The following MYO15A variants were observed in gnomAD, a reference collection of about 807,000 sequenced individuals.
The protein encoded by MYO15A is unconventional myosin-XV.
In MYO15A, 308 loss-of-function variants were observed where a neutral mutation model predicts 394.6. That is an observed-to-expected ratio of 0.78 (90% confidence interval 0.71 to 0.86). The LOEUF is 0.86. Among genes scored for constraint, MYO15A ranks in the 40% least tolerant of loss-of-function variants. The pLI is 0.00. For synonymous variants in MYO15A, 1,957 were observed against 2,003.8 expected (o/e 0.98, Z 0.62); for missense variants, 4,606 against 4,799.1 (o/e 0.96, Z 1.19).
chr17:18,127,223 C>T lies in MYO15A; in HGVS notation c.4032+58C>T, dbSNP rs1228643482. On this transcript the variant is annotated intron_variant, in intron 7 of 65. Transcript: ENST00000647165. Reference sequence around the variant, plus strand: ...TGAACACCCTTTGATAAGCACACCTCATGTACTCCCGAAGAGGCAAGGCTC... The same window carrying T: ...TGAACACCCTTTGATAAGCACACCTTATGTACTCCCGAAGAGGCAAGGCTC... 4.7e-5 allele frequency: 74 copies of T among 1,581,118 alleles called. 1 individual carries two copies. In the East Asian group the frequency reaches 1.6e-3, roughly 35 times the overall value.
chr17:18,148,636 C>G lies in MYO15A; in HGVS notation c.6764+68C>G, dbSNP rs757261691. On this transcript the variant is annotated intron_variant, in intron 32 of 65. Coordinates refer to ENST00000647165, the MANE Select transcript of MYO15A (RefSeq NM_016239.4). This position sits in a 1 kb window ranked among gnomAD's most constrained non-coding sequence, Gnocchi z 4.8. Reference sequence around the variant, plus strand: ...GGAATGTTGTGGGGGGAGGTCAGATCCCCCAGAGGGTCCCATAGGGTCCAT... The same window carrying G: ...GGAATGTTGTGGGGGGAGGTCAGATGCCCCAGAGGGTCCCATAGGGTCCAT... The G allele has an allele frequency of 5.2e-6, 8 of 1,546,628 alleles. No homozygotes were observed. Among genetic ancestry groups the G allele is most frequent in the Non-Finnish European group, 7.0e-6 (8 of 1,143,414 alleles).
intron 58 of MYO15A, 39 bp downstream of exon 58, chr17:18,162,718 G>A: frequency 6.2e-7 from 1 of 1,603,048 alleles, no homozygotes; most frequent in South Asian, 1.1e-5. Context: ...ATGAATGGGA[G>A]GCTGGGCGCA....
chr17:18,169,082 C>T (rs968790260), intron 62 of MYO15A, among the ~76,000 whole-genome samples: 8 of 149,242 alleles, frequency 5.4e-5, no homozygotes, highest in African/African-American at 2.0e-4. Flanking sequence ...CACTGTTCTC[C>T]AGCCTGGGTG....
At chr17:18,174,484 G>C (rs1597827374) in intron 65 of MYO15A, among the ~76,000 whole-genome samples, 1 of 152,280 alleles carries the variant, frequency 6.6e-6, no homozygotes, top group South Asian at 2.1e-4. Flanking sequence ...AGTGCCTGTA[G>C]TCCTAGCTAT....
rs746831209 is a variant in MYO15A, at chr17:18,146,085, T to G, written c.6487T>G (p.Cys2163Gly). 1 of 1,613,850 alleles carries G rather than the reference T, an allele frequency of 6.2e-7. No individual in the cohort carries two copies. The highest frequency in any genetic ancestry group is 1.7e-5 in the Admixed American group (1 of 60,000). Residue 2163 changes from cysteine to glycine, a missense_variant, in exon 30 of 66, where the codon TGC becomes GGC. Coordinates refer to ENST00000647165, the MANE Select transcript of MYO15A (RefSeq NM_016239.4). ...ACLSGFAPSP[C>G]FNKYLLKFVS... is the part of the protein sequence containing the mutation. ...CCTCAGTGGCTTTGCACCTTCCCCG[T>G]GCTTCAACAAGTACCTTCTCAAGTG...
intron 58 of MYO15A, 24 bp downstream of exon 58, chr17:18,162,703 T>C (rs771685050): frequency 2.5e-6 from 4 of 1,610,998 alleles, no homozygotes; most frequent in Non-Finnish European, 3.4e-6. Context: ...GGGAGTGGGT[T>C]CAAAATGAAT....
intron 30 of MYO15A, 102 bp downstream of exon 30, chr17:18,146,209 G>T: frequency 1.6e-6 from 2 of 1,250,236 alleles, no homozygotes; most frequent in East Asian, 2.5e-5. Flanking sequence ...AGATCTCTAT[G>T]CTGGGAAGCT....
chr17:18,159,565 G>T (rs2046743706), intron 54 of MYO15A, 41 bp from the exon 55 acceptor site: 1 of 1,608,918 alleles, frequency 6.2e-7, no homozygotes, highest in Non-Finnish European at 8.5e-7. Flanking sequence ...GTGGGCAACT[G>T]GGGGTTTGGT....
Position 18,171,747 on chromosome 17 carries a change from C to G in MYO15A, c.10192C>G (p.His3398Asp), listed in dbSNP as rs375199386. 20 of 1,611,372 alleles carry G rather than the reference C, an allele frequency of 1.2e-5. No individual in the cohort carries two copies. Among genetic ancestry groups the G allele is most frequent in the Non-Finnish European group, 1.7e-5 (20 of 1,179,940 alleles). ...HRQQTQALSP[H>D]QARAQFLGLL... Reference sequence around the variant, plus strand: ...GCAGCAGACACAGGCGCTCAGCCCCCACCAGGCCCGTGCCCAGTTTCTGGG... The same window carrying G: ...GCAGCAGACACAGGCGCTCAGCCCCGACCAGGCCCGTGCCCAGTTTCTGGG... Residue 3398 changes from histidine to aspartate, a missense_variant, in exon 63 of 66, where the codon CAC (histidine) becomes GAC (aspartate). Physicochemically the swap from His to Asp is moderately conservative, Grantham distance 81. This residue lies in a region of MYO15A where 2,776 missense variants were observed against 3,109.3 expected (regional missense o/e 0.89). Transcript: ENST00000647165.
intron 7 of MYO15A, among the ~76,000 whole-genome samples, chr17:18,127,832 A>AGATATAT (rs1555541550): frequency 8.4e-4 from 34 of 40,572 alleles, no homozygotes; most frequent in African/African-American, 2.2e-3. Flanking sequence ...AAGAAAAAAA[A>AGATATAT]AGATATATAT....
Position 18,122,364 on chromosome 17 carries a change from T to C in MYO15A, c.3564T>C (p.Leu1188=), listed in dbSNP as rs774353733. 4 of 1,612,632 alleles carry C rather than the reference T, an allele frequency of 2.5e-6. No homozygotes were observed. The highest frequency in any genetic ancestry group is 3.4e-6 in the Non-Finnish European group (4 of 1,179,882). ...GCCCTGGAGCTGCCTGCCTGTCCCT[T>C]AGGGGCTCCTGGGAGGAGGTCGGCC... is the stretch of plus-strand genomic sequence containing the variant. ...HLGPGAACLS[L]RGSWEEVGPP... Residue 1188 remains leucine, a synonymous_variant, in exon 2 of 66, where the codon CTT becomes CTC. Transcript: ENST00000647165.
chr17:18,110,567 C>T (rs2045708468), intron 1 of MYO15A: 1 of 152,202 alleles, frequency 6.6e-6, no homozygotes. Flanking sequence ...GGACACAGGC[C>T]CCATGGCTTC....
chr17:18,158,429 G>A, intron 51 of MYO15A, 94 bp from the exon 52 acceptor site: 1 of 1,121,098 alleles, frequency 8.9e-7, no homozygotes, highest in Non-Finnish European at 1.3e-6. Context: ...GAGAATCTGG[G>A]TCCAGTCAGC....
In MYO15A at chr17:18,153,911, C is replaced by T. The variant is rs1298352547; in HGVS notation, c.8088+15C>T. The T allele has an allele frequency of 1.2e-6, 2 of 1,613,388 alleles. No homozygotes were observed. The highest frequency in any genetic ancestry group is 1.7e-6 in the Non-Finnish European group (2 of 1,179,966). On this transcript the variant is annotated intron_variant, in intron 43 of 65. Coordinates refer to ENST00000647165, the MANE Select transcript of MYO15A (RefSeq NM_016239.4). This position sits in a 1 kb window ranked among gnomAD's most constrained non-coding sequence, Gnocchi z 4.1. ...TGCGCAAAGAGGTGCCGAGCACAGC[C>T]GTAGCCAGGGGAGGGGCTGAAGCGG...
intron 16 of MYO15A, 81 bp downstream of exon 16, chr17:18,137,760 T>C (rs1281478505): frequency 6.9e-7 from 1 of 1,453,860 alleles, no homozygotes; most frequent in Non-Finnish European, 9.5e-7. Flanking sequence ...GATATACTGG[T>C]TGTTTAAGGG....
At chr17:18,118,168 C>G (rs1184269364) in intron 1 of MYO15A, among the ~76,000 whole-genome samples, 1 of 152,184 alleles carries the variant, frequency 6.6e-6, no homozygotes, top group East Asian at 1.9e-4. Context: ...TATTCAGCTC[C>G]TGAGAGCCAG....
chr17:18,179,233 C>T lies in MYO15A; in HGVS notation c.*363C>T. ...CACACCAGTTGCCCAGATGAACTGGCCTCTGCCTTTGGTTTACTCAGGGTC... is the reference window on the plus strand; with the variant it reads ...CACACCAGTTGCCCAGATGAACTGGTCTCTGCCTTTGGTTTACTCAGGGTC... On this transcript the variant is annotated 3_prime_UTR_variant, in exon 66 of 66. Transcript: ENST00000647165. 1 of 387,974 alleles carries T rather than the reference C, an allele frequency of 2.6e-6. No individual in the cohort carries two copies. The highest frequency in any genetic ancestry group is 3.8e-5 in the Admixed American group (1 of 26,590). 24.0% of individuals were successfully genotyped at this position (387,974 alleles called of 1,614,324 possible).
Position 18,153,636 on chromosome 17 carries a change from T to G in MYO15A, c.7967-139T>G, listed in dbSNP as rs930264459. The G allele has an allele frequency of 8.1e-6, 7 of 862,200 alleles. No individual in the cohort carries two copies. The highest frequency in any genetic ancestry group is 1.1e-5 in the Non-Finnish European group (7 of 657,560). The allele number at this position is 862,200 out of a possible 1,614,324, so 53.4% of individuals were successfully genotyped here. ...TCGCTTGAACCCAGGAGGCGGAGCT[T>G]GCAGTGGGCCGAGATTGCGCCACTG... On this transcript the variant is annotated intron_variant, in intron 42 of 65. Transcript: ENST00000647165. This position sits in a 1 kb window ranked among gnomAD's most constrained non-coding sequence, Gnocchi z 4.1.
chr17:18,120,500 G>C lies in MYO15A; in HGVS notation c.1700G>C (p.Arg567Pro), dbSNP rs755597711. ...FGPEFGRPVP[R>P]PATSLARFLK... ...CCTGAGTTTGGCCGCCCCGTGCCTC[G>C]CCCTGCCACCTCGCTTGCGCGGTTC... Residue 567 changes from arginine (R) to proline (P), a missense_variant, in exon 2 of 66, where the codon CGC becomes CCC. Arg to Pro is a moderately radical substitution (Grantham distance 103). Coordinates refer to ENST00000647165, the MANE Select transcript of MYO15A (RefSeq NM_016239.4). The C allele has an allele frequency of 1.9e-6, 3 of 1,576,188 alleles. No individual in the cohort carries two copies. The highest frequency in any genetic ancestry group is 2.6e-6 in the Non-Finnish European group (3 of 1,164,622).
Sources: allele counts gnomAD v4.1 joint callset (sites outside exome capture counted in the v4.1 genomes callset), GRCh38; gene constraint gnomAD v4.1.1; regional missense constraint gnomAD v4.1.1; non-coding constraint Gnocchi (gnomAD v3.1); transcripts MANE v1.5; gene names NCBI Gene and HGNC (gene_info 2026-07-23, HGNC 2026-07-21).